The following UBE2J2 variants were observed in gnomAD, a reference collection of about 807,000 sequenced individuals.
The protein encoded by UBE2J2 is ubiquitin conjugating enzyme E2 J2, also known as ubiquitin-conjugating enzyme E2 J2.
A neutral mutation model predicts 28.6 loss-of-function variants in UBE2J2; 5 were observed. The ratio of observed to expected loss-of-function variants is 0.17; its 90% CI spans 0.09 to 0.37. The LOEUF (loss-of-function observed/expected upper bound fraction) is 0.37, where lower values mean the gene tolerates loss of function less well. Among genes scored for constraint, UBE2J2 ranks in the 10% least tolerant of loss-of-function variants. The pLI is 1.00. For missense variants in UBE2J2, 226 were observed against 338.9 expected (o/e 0.67, Z 2.62); for synonymous variants, 138 against 139.7 (o/e 0.99, Z 0.09).
intron 3 of UBE2J2, among the ~76,000 whole-genome samples, chr1:1,261,715 C>A (rs1468859133): frequency 6.7e-6 from 1 of 148,264 alleles, no homozygotes; most frequent in African/African-American, 2.5e-5. Flanking sequence ...GCAGCGATCT[C>A]GGCTCACTGC....
chr1:1,260,573 C>G (rs1274601201), intron 3 of UBE2J2, among the ~76,000 whole-genome samples: 2 of 152,104 alleles, frequency 1.3e-5, no homozygotes, highest in Admixed American at 6.5e-5. Flanking sequence ...CCAAGAGCCA[C>G]ACACACACAG....
At chr1:1,270,747 T>C (rs955852408) in intron 1 of UBE2J2, among the ~76,000 whole-genome samples, 6 of 152,180 alleles carry the variant, frequency 3.9e-5, no homozygotes, top group Admixed American at 1.3e-4. Context: ...CCCTTCAGGA[T>C]ACTCCACAGC....
At chr1:1,267,454 C>T (rs944009970) in intron 2 of UBE2J2, among the ~76,000 whole-genome samples, 1 of 152,214 alleles carries the variant, frequency 6.6e-6, no homozygotes, top group Non-Finnish European at 1.5e-5. Flanking sequence ...AAGCAAAGAG[C>T]AGAGTCTAGA....
At chr1:1,257,399 C>CCA in intron 3 of UBE2J2, 89 bp from the exon 4 acceptor site, 1 of 585,188 alleles carries the variant, frequency 1.7e-6, no homozygotes, top group Non-Finnish European at 2.6e-6. Context: ...CGCCACCCCC[C>CCA]CCCCCCCCCT....
At chr1:1,260,265 A>T (rs1012213962) in intron 3 of UBE2J2, among the ~76,000 whole-genome samples, 13 of 152,258 alleles carry the variant, frequency 8.5e-5, no homozygotes, top group Non-Finnish European at 1.9e-4. Flanking sequence ...GAAAGGCCAA[A>T]CTGGAAAGTG....
intron 3 of UBE2J2, among the ~76,000 whole-genome samples, chr1:1,258,740 TGAGC>T (rs1639359515): frequency 1.3e-5 from 2 of 152,216 alleles, no homozygotes; most frequent in African/African-American, 4.8e-5. Flanking sequence ...ACCCACTCCA[TGAGC>T]AAATCCTGTT....
At position 1,260,055 on chromosome 1, in the gene UBE2J2, C is replaced by A. The variant is rs375346727; in HGVS notation, c.173-2745G>T. 1.4e-3 allele frequency among the ~76,000 whole-genome samples: 217 copies of A among 152,304 alleles called. 1 individual carries two copies. The highest frequency in any genetic ancestry group is 4.5e-3 in the African/African-American group (186 of 41,554). On this transcript the variant is annotated intron_variant, in intron 3 of 6. Transcript: ENST00000349431. ...CTGCCTCCCCTGAAGACACACATGG[C>A]CAAGCAGGGGGACGCTGCAGCTTCC...
At chr1:1,262,672 C>G (rs1168437487) in intron 3 of UBE2J2, among the ~76,000 whole-genome samples, 2 of 152,220 alleles carry the variant, frequency 1.3e-5, no homozygotes, top group Non-Finnish European at 2.9e-5. Context: ...GCCGGCGGGA[C>G]AGTATTCACG....
In UBE2J2 at chr1:1,255,098, G is replaced by A; in HGVS notation, c.*105C>T. 1 of 1,278,338 alleles carries A rather than the reference G, an allele frequency of 7.8e-7. No individual in the cohort carries two copies. 79.2% of individuals were successfully genotyped at this position (1,278,338 alleles called of 1,614,324 possible). ...TTCAGGTTTTTAAAAGCTAAACCTA[G>A]GAGCCTGGTGGGTCTGCCTGTGCTG... On this transcript the variant is annotated 3_prime_UTR_variant, in exon 7 of 7. Transcript: ENST00000349431.
intron 2 of UBE2J2, among the ~76,000 whole-genome samples, chr1:1,265,220 C>T (rs1639780523): frequency 6.6e-6 from 1 of 152,180 alleles, no homozygotes; most frequent in South Asian, 2.1e-4. Context: ...TCTGGGAAAG[C>T]AGTCTTCTCT....
chr1:1,259,254 GAC>G (rs780160381), intron 3 of UBE2J2, among the ~76,000 whole-genome samples: 5 of 150,616 alleles, frequency 3.3e-5, no homozygotes, highest in Non-Finnish European at 5.9e-5. Flanking sequence ...ATGCCATCAG[GAC>G]ACGTGTGTGT....
chr1:1,255,780 A>C (rs1053498934), intron 6 of UBE2J2, among the ~76,000 whole-genome samples: 5 of 152,172 alleles, frequency 3.3e-5, no homozygotes, highest in Non-Finnish European at 7.4e-5. Flanking sequence ...AGCTATCCCC[A>C]GACACCACCC....
At chr1:1,259,387 C>G (rs1330092636) in intron 3 of UBE2J2, among the ~76,000 whole-genome samples, 1 of 152,220 alleles carries the variant, frequency 6.6e-6, no homozygotes, top group Non-Finnish European at 1.5e-5. Flanking sequence ...CGTGTGCATG[C>G]CATCAGGTTT....
At chr1:1,255,848 C>T (rs921639764) in intron 6 of UBE2J2, among the ~76,000 whole-genome samples, 197 bp downstream of exon 6, 2 of 152,256 alleles carry the variant, frequency 1.3e-5, no homozygotes, top group Non-Finnish European at 2.9e-5. Context: ...CAGCCCCCGG[C>T]CCACCAGCAC....
chr1:1,264,537 C>T (rs1639737531), intron 2 of UBE2J2, among the ~76,000 whole-genome samples: 2 of 152,152 alleles, frequency 1.3e-5, no homozygotes. Context: ...TCTGGGAGGC[C>T]AAGGTGGGTA....
At chr1:1,271,244 G>A (rs1042903569) in intron 1 of UBE2J2, among the ~76,000 whole-genome samples, 2 of 152,220 alleles carry the variant, frequency 1.3e-5, no homozygotes, top group African/African-American at 4.8e-5. Context: ...GAAGCCAATG[G>A]GCCAGGGATC....
chr1:1,273,124 AG>A (rs1210091546), intron 1 of UBE2J2: 9 of 152,236 alleles, frequency 5.9e-5, no homozygotes, highest in African/African-American at 2.2e-4. Flanking sequence ...GGGAACTGGC[AG>A]GTGTGGATGG....
At chr1:1,264,417 G>A (rs951970566) in intron 2 of UBE2J2, among the ~76,000 whole-genome samples, 1 of 152,100 alleles carries the variant, frequency 6.6e-6, no homozygotes, top group Non-Finnish European at 1.5e-5. Flanking sequence ...TGCCAACACC[G>A]GCCAACACCG....
rs768250974 is a variant in UBE2J2, at chr1:1,255,163, C to T, written c.*40G>A. 28 of 1,544,610 alleles carry T rather than the reference C, an allele frequency of 1.8e-5. No homozygotes were observed. Among genetic ancestry groups the T allele is most frequent in the African/African-American group, 4.1e-5 (3 of 73,380 alleles). The stretch of plus-strand genomic sequence containing the variant: ...CCTGCCGAGGTCACGCTCTGGTGCG[C>T]GGTGCCCTCAGTGGCGCCTTGGGTC... On this transcript the variant is annotated 3_prime_UTR_variant, in exon 7 of 7. Transcript: ENST00000349431.
Sources: gnomAD v4.1 joint callset for allele counts (sites outside exome capture counted in the v4.1 genomes callset) on GRCh38, gnomAD v4.1.1 for gene constraint, MANE v1.5 for transcripts, NCBI Gene and HGNC (gene_info 2026-07-23, HGNC 2026-07-21) for gene names.